ANKMY1: variants seen among roughly 807,000 people sequenced by gnomAD.
The protein encoded by ANKMY1 is ankyrin repeat and MYND domain containing 1, also known as ankyrin repeat and MYND domain-containing protein 1.
ANKMY1 carries 98 observed loss-of-function variants against 102.0 expected under a neutral mutation model. That is an observed-to-expected ratio of 0.96 (90% confidence interval 0.82 to 1.14). The LOEUF (loss-of-function observed/expected upper bound fraction) is 1.14. Among genes scored for constraint, ANKMY1 ranks in the 50% most tolerant of loss-of-function variants. ANKMY1 has a pLI of 0.00. For synonymous variants in ANKMY1, 582 were observed against 559.9 expected (o/e 1.04, Z -0.56); for missense variants, 1,330 against 1,347.6 (o/e 0.99, Z 0.20).
chr2:240,498,246 T>C (rs1342690338), intron 15 of ANKMY1, among the ~76,000 whole-genome samples: 1 of 36,964 alleles, frequency 2.7e-5, no homozygotes, highest in Non-Finnish European at 4.8e-5. Flanking sequence ...TGGGTGGCAG[T>C]GGGTGAGTTG....
intron 4 of ANKMY1, among the ~76,000 whole-genome samples, chr2:240,548,566 G>A (rs983499735): frequency 6.6e-6 from 1 of 151,968 alleles, no homozygotes; most frequent in African/African-American, 2.4e-5. Flanking sequence ...AAAAGAGGAA[G>A]CCAAATTGTC....
intron 4 of ANKMY1, among the ~76,000 whole-genome samples, chr2:240,535,744 T>C (rs1047756856): frequency 3.3e-5 from 5 of 152,138 alleles, no homozygotes; most frequent in Non-Finnish European, 7.4e-5. Context: ...GGTAGGAATT[T>C]GGGCAAGATT....
At position 240,529,045 on chromosome 2, in the gene ANKMY1, G is replaced by T. The variant is rs375245344; in HGVS notation, c.945C>A (p.Tyr315Ter). The change falls in exon 5 of 18, where the codon TAC (tyrosine) becomes TAA (stop). Residue 315 changes from tyrosine (Y) to a stop codon, truncating the protein, a stop_gained. Transcript: ENST00000401804. LOFTEE classifies it high-confidence loss of function. This position sits in a 1 kb window ranked among gnomAD's most constrained non-coding sequence, Gnocchi z 4.2. ...AGTAGCAGACTAGTCACCTGAACTT[G>T]TAAGTTTGCTTCTGGATTTTGACCA... ...PLLVKIQKQT[Y>*]KFRNKPAHTS... 9.8e-5 allele frequency: 158 copies of T among 1,613,834 alleles called. No homozygotes were observed. In the South Asian group the frequency reaches 1.6e-3, roughly 16 times the overall value.
intron 4 of ANKMY1, among the ~76,000 whole-genome samples, chr2:240,531,191 T>TA (rs1421003114): frequency 6.6e-6 from 1 of 152,140 alleles, no homozygotes; most frequent in East Asian, 1.9e-4. Context: ...CATAATAACA[T>TA]ACCACATACA....
chr2:240,493,084 G>A (rs931152319), intron 15 of ANKMY1, among the ~76,000 whole-genome samples: 2 of 152,172 alleles, frequency 1.3e-5, no homozygotes, highest in South Asian at 4.1e-4. Flanking sequence ...AACACTTTGG[G>A]AGGCTGAGGT....
rs2082033609 is a variant in ANKMY1, at chr2:240,520,619, G to C, written c.1833-86C>G. 2 of 1,481,856 alleles carry C rather than the reference G, an allele frequency of 1.3e-6. No homozygotes were observed. The highest frequency in any genetic ancestry group is 1.8e-6 in the Non-Finnish European group (2 of 1,110,718). 91.8% of individuals were successfully genotyped at this position (1,481,856 alleles called of 1,614,324 possible). ...CGGGGCCATGCCAGCGAGGAGGCTGGGGAGGGGCGCGTAGGGAGTATGTGT... is the reference window on the plus strand; with the variant it reads ...CGGGGCCATGCCAGCGAGGAGGCTGCGGAGGGGCGCGTAGGGAGTATGTGT... On this transcript the variant is annotated intron_variant, in intron 8 of 17. Transcript: ENST00000401804. The surrounding 1 kb of genome is among the most constrained non-coding windows in gnomAD (Gnocchi z 4.8).
chr2:240,509,850 T>C (rs1216289053), intron 11 of ANKMY1, among the ~76,000 whole-genome samples: 1 of 151,958 alleles, frequency 6.6e-6, no homozygotes, highest in Non-Finnish European at 1.5e-5. Context: ...TCAGTGATCG[T>C]AGAGGACGGC....
At chr2:240,531,149 T>G (rs1200935208) in intron 4 of ANKMY1, among the ~76,000 whole-genome samples, 2 of 152,164 alleles carry the variant, frequency 1.3e-5, no homozygotes, top group Non-Finnish European at 2.9e-5. Context: ...ATGTCCAACA[T>G]CATTAGTCAC....
Position 240,499,811 on chromosome 2 carries a change from GA to G in ANKMY1, c.2806+146del, listed in dbSNP as rs1212615081. 1 of 1,054,700 alleles carries G rather than the reference GA, an allele frequency of 9.5e-7. No homozygotes were observed. The highest frequency in any genetic ancestry group is 1.3e-6 in the Non-Finnish European group (1 of 753,680). The allele number at this position is 1,054,700 out of a possible 1,614,324, so 65.3% of individuals were successfully genotyped here. Reference sequence around the variant, plus strand: ...CCTGGACGAGCTCCTTGGACGACGGGACACAAAGGGGACAAGCCGACGAGCC... The same window carrying G: ...CCTGGACGAGCTCCTTGGACGACGGGCACAAAGGGGACAAGCCGACGAGCC... On this transcript the variant is annotated intron_variant, in intron 15 of 17. Transcript: ENST00000401804. The surrounding 1 kb of genome is among the most constrained non-coding windows in gnomAD (Gnocchi z 4.2).
Position 240,520,630 on chromosome 2 carries a change from G to A in ANKMY1, c.1833-97C>T, listed in dbSNP as rs2082036958. 3 of 1,428,662 alleles carry A rather than the reference G, an allele frequency of 2.1e-6. No individual in the cohort carries two copies. The highest frequency in any genetic ancestry group is 5.0e-5 in the Admixed American group (2 of 39,726). 88.5% of individuals were successfully genotyped at this position (1,428,662 alleles called of 1,614,324 possible). ...CAGCGAGGAGGCTGGGGAGGGGCGC[G>A]TAGGGAGTATGTGTGTGCCGCAACT... On this transcript the variant is annotated intron_variant, in intron 8 of 17. Coordinates refer to ENST00000401804, the MANE Select transcript of ANKMY1 (RefSeq NM_001282771.3). The surrounding 1 kb of genome is among the most constrained non-coding windows in gnomAD (Gnocchi z 4.8).
chr2:240,479,127 G>A (rs577421239), downstream of ANKMY1, among the ~76,000 whole-genome samples: 1 of 152,308 alleles, frequency 6.6e-6, no homozygotes, highest in East Asian at 1.9e-4. Context: ...GGGAACAAAC[G>A]AGCACCGCAA....
chr2:240,543,403 T>C (rs2089510913), intron 4 of ANKMY1, among the ~76,000 whole-genome samples: 2 of 152,068 alleles, frequency 1.3e-5, no homozygotes, highest in South Asian at 4.2e-4. Context: ...GTCTTCAGAA[T>C]TGCCAGCATA....
chr2:240,532,148 A>G (rs1014689820), intron 4 of ANKMY1: 1 of 463,558 alleles, frequency 2.2e-6, no homozygotes, highest in Non-Finnish European at 4.5e-6. Flanking sequence ...GTAGAAAACC[A>G]AAGAAAGACA....
rs2092578100 is a variant in ANKMY1 at position 240,557,914 on chromosome 2, A to T, written c.-51T>A. The T allele has an allele frequency of 2.0e-6, 2 of 985,438 alleles. No homozygotes were observed. Among genetic ancestry groups the T allele is most frequent in the East Asian group, 1.1e-4 (1 of 8,806 alleles). 61.0% of individuals were successfully genotyped at this position (985,438 alleles called of 1,614,324 possible). ...ACTCGAAGAGCTCGCGCCGGACAGC[A>T]GGGAGACCGACGGGACTGCAGCCAC... On this transcript the variant is annotated 5_prime_UTR_variant, in exon 1 of 18. Transcript: ENST00000401804.
intron 4 of ANKMY1, among the ~76,000 whole-genome samples, chr2:240,531,606 C>T (rs1484343803): frequency 6.6e-6 from 1 of 151,962 alleles, no homozygotes; most frequent in Non-Finnish European, 1.5e-5. Context: ...AAGAATCATG[C>T]CGTAAGCAAA....
chr2:240,515,744 G>A (rs1164145430), intron 9 of ANKMY1, among the ~76,000 whole-genome samples: 1 of 151,684 alleles, frequency 6.6e-6, no homozygotes, highest in African/African-American at 2.4e-5. Flanking sequence ...TTGAGACTTA[G>A]TCTCACACCA....
intron 4 of ANKMY1, among the ~76,000 whole-genome samples, chr2:240,540,578 T>A (rs1358101344): frequency 6.6e-6 from 1 of 152,198 alleles, no homozygotes; most frequent in Non-Finnish European, 1.5e-5. Context: ...AGTTCCTGTT[T>A]TCTTACCCAT....
Position 240,523,881 on chromosome 2 carries a change from C to T in ANKMY1, c.1832+4G>A. On this transcript the variant is annotated splice_donor_region_variant and intron_variant, in intron 8 of 17. Coordinates refer to ENST00000401804, the MANE Select transcript of ANKMY1 (RefSeq NM_001282771.3). ...CACCCCCACCAGCTGGTGCCAGGACCTACTCGATCATGGACAGCGCCATCC... is the reference window on the plus strand; with the variant it reads ...CACCCCCACCAGCTGGTGCCAGGACTTACTCGATCATGGACAGCGCCATCC... The T allele has an allele frequency of 6.2e-7, 1 of 1,608,818 alleles. No individual in the cohort carries two copies. Among genetic ancestry groups the T allele is most frequent in the Non-Finnish European group, 8.5e-7 (1 of 1,176,182 alleles).
At chr2:240,514,156 T>C (rs906375211) in intron 9 of ANKMY1, among the ~76,000 whole-genome samples, 3 of 152,088 alleles carry the variant, frequency 2.0e-5, no homozygotes, top group Admixed American at 6.5e-5. Context: ...AGCTGAGGGG[T>C]GAATCAGGAA....
Sources: allele counts gnomAD v4.1 joint callset (sites outside exome capture counted in the v4.1 genomes callset), GRCh38; gene constraint gnomAD v4.1.1; non-coding constraint Gnocchi (gnomAD v3.1); transcripts MANE v1.5; gene names NCBI Gene and HGNC (gene_info 2026-07-23, HGNC 2026-07-21).